Variants in ARHGEF37 observed in about 807,000 individuals in gnomAD.
ARHGEF37 encodes the protein Rho guanine nucleotide exchange factor 37, also known as Rho guanine nucleotide exchange factor (GEF) 37.
Under a neutral mutation model 71.1 loss-of-function variants are expected in ARHGEF37, and 55 were observed. That is an observed-to-expected ratio of 0.77 (90% CI 0.62 to 0.97). The LOEUF (loss-of-function observed/expected upper bound fraction) is 0.97, where lower values mean the gene tolerates loss of function less well. Ranked by LOEUF, ARHGEF37 falls within the 50% of genes least tolerant of loss-of-function variation. ARHGEF37 has a pLI of 0.00. For synonymous variants in ARHGEF37, 327 were observed against 350.6 expected, an observed-to-expected ratio of 0.93 and a Z score of 0.75; for missense variants, 765 against 836.8, an observed-to-expected ratio of 0.91 and a Z score of 1.06.
chr5:149,633,298 C>G lies in ARHGEF37; in HGVS notation c.*1107C>G, dbSNP rs904051629. 1 of 152,330 alleles carries G rather than the reference C, an allele frequency of 6.6e-6. No homozygotes were observed. Among genetic ancestry groups the G allele is most frequent in the Non-Finnish European group, 1.5e-5 (1 of 68,102 alleles). The allele number at this position is 152,330 out of a possible 1,614,324, so 9.4% of individuals were successfully genotyped here. A position where few individuals can be genotyped will look rare whatever the true frequency, so the allele number is the denominator to read the frequency against. ...AATGACAGCAGTGATCTCGGGGTGG[C>G]CCCCGGCATGCTGCCCTCCCCCACG... On this transcript the variant is annotated 3_prime_UTR_variant, in exon 13 of 13. Coordinates refer to ENST00000333677, the MANE Select transcript of ARHGEF37 (RefSeq NM_001001669.3).
At chr5:149,599,375 G>T (rs889320194) in intron 2 of ARHGEF37, among the ~76,000 whole-genome samples, 3 of 151,854 alleles carry the variant, frequency 2.0e-5, no homozygotes, top group Non-Finnish European at 4.4e-5. Flanking sequence ...AGGCCCTCAG[G>T]CAGGGGAACC....
intron 2 of ARHGEF37, 82 bp from the exon 3 acceptor site, chr5:149,601,026 T>C: frequency 6.9e-7 from 1 of 1,449,446 alleles, no homozygotes; most frequent in South Asian, 1.3e-5. Context: ...ATGGTGTGAG[T>C]GTTCTGTCCT....
chr5:149,608,999 A>G (rs1763995549), intron 3 of ARHGEF37, among the ~76,000 whole-genome samples: 1 of 152,102 alleles, frequency 6.6e-6, no homozygotes, highest in Non-Finnish European at 1.5e-5. Context: ...AGCCTGGCCA[A>G]CATGGTGAAA....
intron 4 of ARHGEF37, among the ~76,000 whole-genome samples, chr5:149,610,599 G>A (rs1284099063): frequency 2.0e-5 from 3 of 152,162 alleles, no homozygotes; most frequent in African/African-American, 7.2e-5. Flanking sequence ...AAGAACCCGT[G>A]TCCTAGCCCC....
intron 1 of ARHGEF37, among the ~76,000 whole-genome samples, chr5:149,585,084 T>C (rs980596748): frequency 5.9e-5 from 9 of 152,180 alleles, no homozygotes; most frequent in African/African-American, 1.9e-4. Context: ...AAATGCACAT[T>C]AAAACCACAG....
rs1473052477 is a variant in ARHGEF37 at position 149,618,952 on chromosome 5, A to G, written c.804A>G (p.Glu268=). 10 of 1,613,612 alleles carry G rather than the reference A, an allele frequency of 6.2e-6. No homozygotes were observed. Among genetic ancestry groups the G allele is most frequent in the Non-Finnish European group, 6.8e-6 (8 of 1,179,654 alleles). Residue 268 remains glutamate, a synonymous_variant, in exon 7 of 13, where the codon GAA becomes GAG. Transcript: ENST00000333677. ...AGLIPRTEDK[E]FDDLEERFQW... ...ATTACTTTCAGACAGAAGACAAGGAATTTGATGATTTAGAAGAGAGGTTCC... is the reference window on the plus strand; with the variant it reads ...ATTACTTTCAGACAGAAGACAAGGAGTTTGATGATTTAGAAGAGAGGTTCC...
intron 1 of ARHGEF37, among the ~76,000 whole-genome samples, chr5:149,565,829 ATTTTTT>A (rs201683478): frequency 5.9e-5 from 5 of 84,574 alleles, no homozygotes; most frequent in Admixed American, 1.7e-4. Context: ...AGAAACTCTA[ATTTTTT>A]TTTTTTTTTT....
chr5:149,623,050 G>A (rs999975968), intron 9 of ARHGEF37, among the ~76,000 whole-genome samples: 2 of 152,094 alleles, frequency 1.3e-5, no homozygotes, highest in Non-Finnish European at 2.9e-5. Flanking sequence ...ACAGCTGCTG[G>A]ATGTGGCCAC....
At chr5:149,572,066 A>T (rs1762973398) in intron 1 of ARHGEF37, among the ~76,000 whole-genome samples, 2 of 152,182 alleles carry the variant, frequency 1.3e-5, no homozygotes, top group Admixed American at 1.3e-4. Context: ...AAGCTACTAT[A>T]ATCAAGAAAG....
Position 149,609,627 on chromosome 5 carries a change from A to G in ARHGEF37, c.390A>G (p.Leu130=), listed in dbSNP as rs1272274223. Residue 130 remains leucine, a synonymous_variant, in exon 4 of 13, where the codon CTA becomes CTG. Coordinates refer to ENST00000333677, the MANE Select transcript of ARHGEF37 (RefSeq NM_001001669.3). ...VYCASYDQAL[L]LVDTYRKEPE... is the part of the protein sequence containing the mutation. ...GTGCCAGCTACGACCAGGCCTTGCTACTGGTGGACACGTACCGGAAGGAGC... is the reference window on the plus strand; with the variant it reads ...GTGCCAGCTACGACCAGGCCTTGCTGCTGGTGGACACGTACCGGAAGGAGC... 4 of 1,613,326 alleles carry G rather than the reference A, an allele frequency of 2.5e-6. No individual in the cohort carries two copies. Among genetic ancestry groups the G allele is most frequent in the African/African-American group, 1.3e-5 (1 of 74,904 alleles).
At chr5:149,571,565 A>G (rs958765602) in intron 1 of ARHGEF37, among the ~76,000 whole-genome samples, 1 of 152,282 alleles carries the variant, frequency 6.6e-6, no homozygotes, top group Admixed American at 6.5e-5. Context: ...TTTATCACCA[A>G]ATTGATCCAC....
chr5:149,631,766 T>C (rs973137559), intron 12 of ARHGEF37, among the ~76,000 whole-genome samples: 5 of 152,208 alleles, frequency 3.3e-5, no homozygotes, highest in South Asian at 2.1e-4. Context: ...CCAAACCCAG[T>C]AGAGTGCTAG....
At chr5:149,607,483 G>A (rs1360971823) in intron 3 of ARHGEF37, among the ~76,000 whole-genome samples, 2 of 152,142 alleles carry the variant, frequency 1.3e-5, no homozygotes, top group African/African-American at 2.4e-5. Context: ...ATTTGGCTCC[G>A]TTTTAATTCA....
chr5:149,582,368 G>C (rs1028085719), intron 1 of ARHGEF37, among the ~76,000 whole-genome samples: 2 of 152,322 alleles, frequency 1.3e-5, no homozygotes, highest in Middle Eastern at 3.4e-3. Flanking sequence ...CACTTTCTTT[G>C]CTCCTTTGAA....
chr5:149,588,661 T>G (rs1052351559), intron 1 of ARHGEF37, among the ~76,000 whole-genome samples: 4 of 152,316 alleles, frequency 2.6e-5, no homozygotes, highest in African/African-American at 7.2e-5. Flanking sequence ...GACAGCTTTC[T>G]ATGAACCATT....
intron 8 of ARHGEF37, 55 bp downstream of exon 8, chr5:149,620,519 A>G: frequency 7.0e-7 from 1 of 1,422,850 alleles, no homozygotes; most frequent in Non-Finnish European, 9.7e-7. Flanking sequence ...TAGAGCTTAC[A>G]AGAATAATAT....
chr5:149,581,915 G>A (rs1763118652), intron 1 of ARHGEF37, among the ~76,000 whole-genome samples: 1 of 152,214 alleles, frequency 6.6e-6, no homozygotes, highest in African/African-American at 2.4e-5. Context: ...GTTTCTCTCT[G>A]CCTTCTTCCG....
intron 3 of ARHGEF37, among the ~76,000 whole-genome samples, chr5:149,605,499 G>C (rs1332676060): frequency 1.2e-4 from 18 of 152,078 alleles, no homozygotes; most frequent in Admixed American, 1.0e-3. Context: ...TATTTCAAGT[G>C]CCCAATAGCC....
intron 3 of ARHGEF37, among the ~76,000 whole-genome samples, chr5:149,605,971 G>C (rs1282782709): frequency 6.6e-6 from 1 of 152,156 alleles, no homozygotes; most frequent in Non-Finnish European, 1.5e-5. Context: ...ATCTGTGACT[G>C]GAGAAGGACA....
Sources: gnomAD v4.1 joint callset for allele counts (sites outside exome capture counted in the v4.1 genomes callset) on GRCh38, gnomAD v4.1.1 for gene constraint, MANE v1.5 for transcripts, NCBI Gene and HGNC (gene_info 2026-07-23, HGNC 2026-07-21) for gene names.